PTPRN2: variants seen among roughly 807,000 people sequenced by gnomAD.
The protein encoded by PTPRN2 is receptor-type tyrosine-protein phosphatase N2.
A neutral mutation model predicts 118.8 loss-of-function variants in PTPRN2; 74 were observed. The ratio of observed to expected loss-of-function variants is 0.62; its 90% CI spans 0.52 to 0.76. The LOEUF is 0.76. Among genes scored for constraint, PTPRN2 ranks in the 30% least tolerant of loss-of-function variants. The pLI is 0.00. For synonymous variants in PTPRN2, 641 were observed against 608.0 expected (o/e 1.05, Z -0.80); for missense variants, 1,481 against 1,394.4 (o/e 1.06, Z -0.99).
chr7:158,367,766 T>C (rs1809653010), intron 2 of PTPRN2, among the ~76,000 whole-genome samples: 1 of 152,198 alleles, frequency 6.6e-6, no homozygotes, highest in Non-Finnish European at 1.5e-5. Flanking sequence ...TTTGACCTCC[T>C]TGGCCCAGAG....
At chr7:158,054,582 C>T (rs536066535) in intron 11 of PTPRN2, among the ~76,000 whole-genome samples, 40 of 152,366 alleles carry the variant, frequency 2.6e-4, no homozygotes, top group Non-Finnish European at 4.4e-4. Context: ...TGGGTGAGGT[C>T]TCGCAGGTGC....
chr7:158,385,971 C>G (rs1297940615), intron 2 of PTPRN2, among the ~76,000 whole-genome samples: 31 of 143,796 alleles, frequency 2.2e-4, no homozygotes, highest in African/African-American at 7.7e-4. Flanking sequence ...TTCTGTGCCC[C>G]TCCTCCCTCC....
chr7:158,467,373 T>C (rs1819472351), intron 2 of PTPRN2, among the ~76,000 whole-genome samples: 1 of 152,228 alleles, frequency 6.6e-6, no homozygotes. Flanking sequence ...TATAGATCTA[T>C]GGTTTTTCAA....
chr7:158,471,078 G>GT lies in PTPRN2; in HGVS notation c.163+18656dup, dbSNP rs571598200. ...GAGACGGGGTTTCACCATGTCAAAG[G>GT]TTTTTTTTGTTTTGTTTTCATAAAT... is the stretch of plus-strand genomic sequence containing the variant. On this transcript the variant is annotated intron_variant, in intron 2 of 22. Transcript: ENST00000389418. 5.9e-5 allele frequency among the ~76,000 whole-genome samples: 9 copies of GT among 152,054 alleles called. No homozygotes were observed. The South Asian group carries it at 1.0e-3, about 18-fold the overall frequency.
Position 157,691,470 on chromosome 7 carries a change from GGCGA to G in PTPRN2, c.1789-8537_1789-8534del, listed in dbSNP as rs141876994. On this transcript the variant is annotated intron_variant, in intron 12 of 22. Transcript: ENST00000389418. ...AAATGGAAGCAGGCCAATGATTCAG[GGCGA>G]GTAGACGAGAGCCCCTCTGCTCACT... Among the ~76,000 whole-genome samples, 1,744 of 152,252 alleles carry G rather than the reference GGCGA, an allele frequency of 0.011. 84 individuals carry two copies. In the South Asian group the frequency reaches 0.14, roughly 12 times the overall value.
In PTPRN2 at chr7:158,171,300, T is replaced by TACACACATATATATATAC. The variant is rs1563555583; in HGVS notation, c.550-4010_550-4009insGTATATATATATGTGTGT. ...ACACACATATATATACACACATATA[T>TACACACATATATATATAC]ATACACACATATATATATATATATA... is the stretch of plus-strand genomic sequence containing the variant. On this transcript the variant is annotated intron_variant, in intron 5 of 22. Coordinates refer to ENST00000389418, the MANE Select transcript of PTPRN2 (RefSeq NM_002847.5). Among the ~76,000 whole-genome samples, 7 of 28,122 alleles carry TACACACATATATATATAC rather than the reference T, an allele frequency of 2.5e-4. 1 individual carries two copies. The highest frequency in any genetic ancestry group is 7.4e-4 in the African/African-American group (6 of 8,122). The allele number at this position is 28,122 out of a possible 152,430, so 18.4% of individuals were successfully genotyped here. A position where few individuals can be genotyped will look rare whatever the true frequency, so the allele number is the denominator to read the frequency against.
chr7:157,730,700 T>A (rs970426310), intron 12 of PTPRN2, among the ~76,000 whole-genome samples: 8 of 151,982 alleles, frequency 5.3e-5, no homozygotes, highest in Non-Finnish European at 2.9e-5. Context: ...CACAGTGGGG[T>A]CTTTAAAACA....
At chr7:158,226,230 A>C (rs1313483897) in intron 3 of PTPRN2, among the ~76,000 whole-genome samples, 5 of 152,244 alleles carry the variant, frequency 3.3e-5, no homozygotes, top group Non-Finnish European at 7.3e-5. Flanking sequence ...AAAACGGTTC[A>C]TTAGAGAGAT....
intron 8 of PTPRN2, 55 bp from the exon 9 acceptor site, chr7:158,134,114 A>G: frequency 6.4e-7 from 1 of 1,561,036 alleles, no homozygotes; most frequent in Non-Finnish European, 8.7e-7. Flanking sequence ...CTGATGTGAC[A>G]CATGCAATCA....
intron 9 of PTPRN2, among the ~76,000 whole-genome samples, chr7:158,127,531 G>C (rs914190484): frequency 2.6e-5 from 4 of 152,184 alleles, no homozygotes; most frequent in Non-Finnish European, 4.4e-5. Context: ...AAGGGCCCAG[G>C]CCACCTTCTC....
intron 1 of PTPRN2, among the ~76,000 whole-genome samples, chr7:158,504,259 G>A (rs886306286): frequency 6.6e-6 from 1 of 152,120 alleles, no homozygotes; most frequent in African/African-American, 2.4e-5. Flanking sequence ...ACATAGGTAA[G>A]TGTGTGCCAT....
In PTPRN2 at chr7:157,611,064, C is replaced by G. The variant is rs544595056; in HGVS notation, c.2345-6989G>C. Among the ~76,000 whole-genome samples the G allele has an allele frequency of 1.3e-5, 2 of 152,330 alleles. No individual in the cohort carries two copies. Among genetic ancestry groups the G allele is most frequent in the Non-Finnish European group, 2.9e-5 (2 of 68,042 alleles). On this transcript the variant is annotated intron_variant, in intron 15 of 22. Transcript: ENST00000389418. The surrounding 1 kb of genome is among the most constrained non-coding windows in gnomAD (Gnocchi z 5.9). ...CACCACTCAGGAGGCACGCTGCCCA[C>G]CGCTGAGCTGAATAACCGAGCGCGA... is the stretch of plus-strand genomic sequence containing the variant.
intron 3 of PTPRN2, among the ~76,000 whole-genome samples, chr7:158,238,569 G>T (rs982570557): frequency 1.3e-5 from 2 of 152,110 alleles, no homozygotes; most frequent in East Asian, 1.9e-4. Flanking sequence ...TTAGATTCAG[G>T]TCTTGTTAAC....
At chr7:157,835,838 T>C (rs776460238) in intron 12 of PTPRN2, among the ~76,000 whole-genome samples, 7 of 152,226 alleles carry the variant, frequency 4.6e-5, no homozygotes, top group Non-Finnish European at 8.8e-5. Context: ...TAAAAACTTG[T>C]GTTTCACTGA....
chr7:158,029,990 C>T (rs1320506338), intron 11 of PTPRN2: 1 of 152,260 alleles, frequency 6.6e-6, no homozygotes, highest in Non-Finnish European at 1.5e-5. Flanking sequence ...TTTACGACAT[C>T]ATCAAAGACA....
intron 11 of PTPRN2, among the ~76,000 whole-genome samples, chr7:158,043,785 A>G (rs753443636): frequency 1.3e-5 from 2 of 152,242 alleles, no homozygotes; most frequent in African/African-American, 2.4e-5. Flanking sequence ...ACACTTCTGG[A>G]AAGACCCACC....
At position 158,570,704 on chromosome 7, in the gene PTPRN2, T is replaced by C. The variant is rs1327260619; in HGVS notation, c.112+16854A>G. ...GCTCAGCACGCGGCTGGGTACGGTT[T>C]GCAACGCCGAGAGCCCGCGGAGAAG... On this transcript the variant is annotated intron_variant, in intron 1 of 22. Transcript: ENST00000389418. The surrounding 1 kb of genome is among the most constrained non-coding windows in gnomAD (Gnocchi z 4.5). Among the ~76,000 whole-genome samples, 1 of 152,220 alleles carries C rather than the reference T, an allele frequency of 6.6e-6. No homozygotes were observed. The highest frequency in any genetic ancestry group is 1.5e-5 in the Non-Finnish European group (1 of 68,030).
intron 12 of PTPRN2, among the ~76,000 whole-genome samples, chr7:157,810,133 G>A (rs184621531): frequency 2.4e-4 from 37 of 152,328 alleles, no homozygotes; most frequent in African/African-American, 7.2e-4. Flanking sequence ...GAGCTTCTGC[G>A]GAGCCATGTG....
chr7:158,230,598 G>A (rs1829102519), intron 3 of PTPRN2, among the ~76,000 whole-genome samples: 1 of 151,790 alleles, frequency 6.6e-6, no homozygotes, highest in Non-Finnish European at 1.5e-5. Context: ...ATCTCTTTAA[G>A]ATAACTTGTT....
Sources: allele counts gnomAD v4.1 joint callset (sites outside exome capture counted in the v4.1 genomes callset), GRCh38; gene constraint gnomAD v4.1.1; non-coding constraint Gnocchi (gnomAD v3.1); transcripts MANE v1.5; gene names NCBI Gene and HGNC (gene_info 2026-07-23, HGNC 2026-07-21).